The following CACNA1A variants were observed in gnomAD, a reference collection of about 807,000 sequenced individuals.
CACNA1A encodes calcium voltage-gated channel subunit alpha1 A, also known as voltage-dependent P/Q-type calcium channel subunit alpha-1A.
Under a neutral mutation model 262.4 loss-of-function variants are expected in CACNA1A, and 57 were observed. The ratio of observed to expected loss-of-function variants is 0.22; its 90% CI spans 0.18 to 0.27. The LOEUF (loss-of-function observed/expected upper bound fraction) is 0.27. Ranked by LOEUF, CACNA1A falls within the 10% of genes least tolerant of loss-of-function variation. The pLI is 1.00. For missense variants in CACNA1A, 2,526 were observed against 3,562.8 expected, an observed-to-expected ratio of 0.71 and a Z score of 7.41; for synonymous variants, 1,431 against 1,419.3, an observed-to-expected ratio of 1.01 and a Z score of -0.18.
At chr19:13,345,520 G>T (rs2058748718) in intron 6 of CACNA1A, among the ~76,000 whole-genome samples, 1 of 152,104 alleles carries the variant, frequency 6.6e-6, no homozygotes, top group South Asian at 2.1e-4. Context: ...TAATGGCTGA[G>T]TCCCAGCAAA....
chr19:13,448,848 T>C (rs2060863680), intron 3 of CACNA1A, among the ~76,000 whole-genome samples: 1 of 152,246 alleles, frequency 6.6e-6, no homozygotes, highest in Non-Finnish European at 1.5e-5. Flanking sequence ...ATGGAAACTA[T>C]TTTTATTAAT....
chr19:13,286,742 G>C lies in CACNA1A; in HGVS notation c.3314C>G (p.Pro1105Arg). 2 of 1,605,410 alleles carry C rather than the reference G, an allele frequency of 1.2e-6. No individual in the cohort carries two copies. The highest frequency in any genetic ancestry group is 1.3e-5 in the African/African-American group (1 of 74,908). Reference protein sequence around the residue: ...AKMGNSTDPGPMLAIPAMATN... With the variant: ...AKMGNSTDPGRMLAIPAMATN... ...GGCCATGGCAGGGATGGCCAGCATG[G>C]GGCCGGGGTCGGTGCTGTTTCCCAT... Residue 1105 changes from proline to arginine, a missense_variant, in exon 20 of 47, where the codon CCC (proline) becomes CGC (arginine). By Grantham distance (103) the Pro-to-Arg change is moderately radical. Around this residue, in one of 17 missense-constraint regions of CACNA1A, gnomAD observed 765 missense variants for 748.6 expected, o/e 1.02. Transcript: ENST00000360228.
At chr19:13,240,541 G>T (rs1212386475) in intron 31 of CACNA1A, among the ~76,000 whole-genome samples, 1 of 148,090 alleles carries the variant, frequency 6.8e-6, no homozygotes, top group Non-Finnish European at 1.5e-5. Context: ...TGTGCATAGT[G>T]GTGTGTGCAG....
chr19:13,477,896 A>C (rs1312638553), intron 1 of CACNA1A, among the ~76,000 whole-genome samples: 1 of 152,114 alleles, frequency 6.6e-6, no homozygotes, highest in African/African-American at 2.4e-5. Flanking sequence ...CTATCTTTGC[A>C]CTCAACCATG....
At chr19:13,427,617 ATCTC>A (rs201525275) in intron 3 of CACNA1A, among the ~76,000 whole-genome samples, 17 of 151,784 alleles carry the variant, frequency 1.1e-4, no homozygotes, top group South Asian at 2.1e-4. Context: ...CTATGCTTTG[ATCTC>A]TCTCTCTCCA....
At chr19:13,505,167 T>A (rs956078316) in intron 1 of CACNA1A, among the ~76,000 whole-genome samples, 2 of 152,062 alleles carry the variant, frequency 1.3e-5, no homozygotes, top group Non-Finnish European at 2.9e-5. Flanking sequence ...GGGGCCCAGA[T>A]AAAGCAAGTG....
chr19:13,254,770 G>GA lies in CACNA1A; in HGVS notation c.4755+324dup, dbSNP rs1216751460. On this transcript the variant is annotated intron_variant, in intron 29 of 46. Transcript: ENST00000360228. Reference sequence around the variant, plus strand: ...CTGAGGTCATCATAAATGGGTGGGGGACACTGTCATGCAACCTGACGCAGA... The same window carrying GA: ...CTGAGGTCATCATAAATGGGTGGGGGAACACTGTCATGCAACCTGACGCAGA... 1.6e-4 allele frequency among the ~76,000 whole-genome samples: 24 copies of GA among 152,150 alleles called. 1 individual carries two copies.
intron 1 of CACNA1A, among the ~76,000 whole-genome samples, chr19:13,472,021 G>T (rs527729968): frequency 3.0e-4 from 46 of 152,264 alleles, no homozygotes; most frequent in African/African-American, 8.4e-4. Flanking sequence ...AGAGTGCAGG[G>T]GCACAATCAC....
intron 3 of CACNA1A, among the ~76,000 whole-genome samples, chr19:13,378,559 CA>C (rs1358247347): frequency 6.6e-6 from 1 of 152,148 alleles, no homozygotes; most frequent in Admixed American, 6.6e-5. Context: ...AGTCAGCACC[CA>C]TCAACACTGA....
chr19:13,219,652 A>G (rs1336285328), intron 38 of CACNA1A, among the ~76,000 whole-genome samples: 1 of 152,128 alleles, frequency 6.6e-6, no homozygotes, highest in Non-Finnish European at 1.5e-5. Flanking sequence ...GGGACTTTGC[A>G]GATATAATTA....
rs1207596010 is a variant in CACNA1A, at chr19:13,308,996, TTTATTTA to T, written c.1669-475_1669-469del. 6.6e-6 allele frequency among the ~76,000 whole-genome samples: 1 copy of T among 151,718 alleles called. No individual in the cohort carries two copies. The highest frequency in any genetic ancestry group is 1.9e-4 in the East Asian group (1 of 5,156). ...GCCACTGCACCCGGCCTCTTATTTA[TTTATTTA>T]TTTTTATTTATTCATTTATTTTGAG... is the stretch of plus-strand genomic sequence containing the variant. On this transcript the variant is annotated intron_variant, in intron 12 of 46. Transcript: ENST00000360228. This position sits in a 1 kb window ranked among gnomAD's most constrained non-coding sequence, Gnocchi z 4.2.
intron 2 of CACNA1A, among the ~76,000 whole-genome samples, chr19:13,453,265 C>T (rs2060948340): frequency 6.6e-6 from 1 of 152,220 alleles, no homozygotes; most frequent in South Asian, 2.1e-4. Flanking sequence ...CTCAGCTAAA[C>T]AGAATTATTT....
At chr19:13,233,326 A>G (rs2055740170) in intron 34 of CACNA1A, among the ~76,000 whole-genome samples, 1 of 152,096 alleles carries the variant, frequency 6.6e-6, no homozygotes, top group Non-Finnish European at 1.5e-5. Context: ...TTGTTGTTAG[A>G]TTAAAAACAT....
intron 19 of CACNA1A, 139 bp downstream of exon 19, chr19:13,298,405 A>C (rs1051285445): frequency 1.2e-5 from 9 of 770,138 alleles, no homozygotes; most frequent in Admixed American, 9.3e-5. Flanking sequence ...CTGGGATTAC[A>C]GGCGTGAGCC....
At chr19:13,400,127 C>A (rs2059874086) in intron 3 of CACNA1A, among the ~76,000 whole-genome samples, 1 of 152,078 alleles carries the variant, frequency 6.6e-6, no homozygotes, top group African/African-American at 2.4e-5. Flanking sequence ...TAGGGTCACC[C>A]CAAAGCAAGA....
chr19:13,223,884 G>C (rs1048766809), intron 38 of CACNA1A, among the ~76,000 whole-genome samples: 13 of 152,268 alleles, frequency 8.5e-5, no homozygotes, highest in African/African-American at 2.6e-4. Flanking sequence ...CTGCCAAATG[G>C]GCCGGGTGTG....
At chr19:13,461,784 A>C (rs978743583) in intron 1 of CACNA1A, among the ~76,000 whole-genome samples, 6 of 152,102 alleles carry the variant, frequency 3.9e-5, no homozygotes, top group African/African-American at 1.4e-4. Flanking sequence ...TGTCAGCGGG[A>C]TCCAGAAAAA....
At chr19:13,449,266 C>A (rs979484118) in intron 3 of CACNA1A, among the ~76,000 whole-genome samples, 10 of 151,612 alleles carry the variant, frequency 6.6e-5, no homozygotes, top group Non-Finnish European at 1.2e-4. Context: ...TCACACCTGG[C>A]CTTTATTAAA....
chr19:13,357,752 C>T lies in CACNA1A; in HGVS notation c.978+1854G>A, dbSNP rs143403830. Among the ~76,000 whole-genome samples the T allele has an allele frequency of 3.0e-3, 463 of 152,250 alleles. 3 individuals are homozygous for T. The highest frequency in any genetic ancestry group is 0.011 in the African/African-American group (443 of 41,546). The stretch of plus-strand genomic sequence containing the variant: ...GGTGCAGTGGCTCACACCTGTAATC[C>T]TAGCACTTTGGGAGGCTGAGGCAGG... On this transcript the variant is annotated intron_variant, in intron 6 of 46. Transcript: ENST00000360228.
Sources: gnomAD v4.1 joint callset for allele counts (sites outside exome capture counted in the v4.1 genomes callset) on GRCh38, gnomAD v4.1.1 for gene constraint, gnomAD v4.1.1 regional missense constraint, Gnocchi (gnomAD v3.1) non-coding constraint, MANE v1.5 for transcripts, NCBI Gene and HGNC (gene_info 2026-07-23, HGNC 2026-07-21) for gene names.